The following FAM107B variants were observed in gnomAD, a reference collection of about 807,000 sequenced individuals.
FAM107B encodes the protein family with sequence similarity 107 member B.
FAM107B carries 21 observed loss-of-function variants against 31.5 expected under a neutral mutation model. The observed-to-expected ratio is 0.67, with a 90% CI of 0.47 to 0.96. The LOEUF (loss-of-function observed/expected upper bound fraction) is 0.96. FAM107B is among the 40% of genes least tolerant of loss of function. The probability of loss-of-function intolerance (pLI) is 0.00; values close to 1 mark genes in which losing one functional copy is unlikely to be tolerated. For missense variants in FAM107B, 452 were observed against 377.1 expected, an observed-to-expected ratio of 1.20 and a Z score of -1.64; for synonymous variants, 157 against 141.5, an observed-to-expected ratio of 1.11 and a Z score of -0.78.
chr10:14,766,296 G>T (rs936655520), intron 1 of FAM107B, among the ~76,000 whole-genome samples: 1 of 152,204 alleles, frequency 6.6e-6, no homozygotes, highest in Non-Finnish European at 1.5e-5. Context: ...CAAAGGATGG[G>T]CATGGAGCCT....
chr10:14,629,082 G>T (rs1853250002), intron 2 of FAM107B, among the ~76,000 whole-genome samples: 1 of 148,524 alleles, frequency 6.7e-6, no homozygotes. Context: ...GATTTAGAAA[G>T]AAAACTAAAT....
chr10:14,628,116 T>TTTTTTGTTTTTTTTTTTTG (rs1365254721), intron 2 of FAM107B, among the ~76,000 whole-genome samples: 1 of 121,628 alleles, frequency 8.2e-6, no homozygotes, highest in East Asian at 2.7e-4. Context: ...TTGCTGGTTT[T>TTTTTTGTTTTTTTTTTTTG]TTTTTTTTTT....
At chr10:14,724,142 A>ATCTTCTATGCATGTG (rs1855976738) in intron 1 of FAM107B, 1 of 516,900 alleles carries the variant, frequency 1.9e-6, no homozygotes, top group African/African-American at 1.9e-5. Context: ...GGCTGCATGT[A>ATCTTCTATGCATGTG]TCTTCTATGC....
At chr10:14,548,638 G>A (rs928647049) in intron 2 of FAM107B, 3 of 985,438 alleles carry the variant, frequency 3.0e-6, no homozygotes, top group Non-Finnish European at 3.6e-6. Context: ...CTCCAGCTGC[G>A]AAGGCAGGCA....
chr10:14,570,309 CT>C (rs1177658803), intron 2 of FAM107B, among the ~76,000 whole-genome samples: 2 of 151,102 alleles, frequency 1.3e-5, no homozygotes, highest in Admixed American at 1.3e-4. Context: ...TACCCAATAT[CT>C]GTGTACACCA....
chr10:14,762,149 TG>T (rs34630713), intron 1 of FAM107B, among the ~76,000 whole-genome samples: 1 of 152,186 alleles, frequency 6.6e-6, no homozygotes, highest in Admixed American at 6.5e-5. Context: ...CTAGATTGTT[TG>T]TTTTTCTTTG....
At chr10:14,648,528 A>T (rs1297478094) in intron 2 of FAM107B, among the ~76,000 whole-genome samples, 1 of 152,220 alleles carries the variant, frequency 6.6e-6, no homozygotes, top group African/African-American at 2.4e-5. Context: ...TCATGGTAAC[A>T]CTGGGAAAAG....
intron 1 of FAM107B, among the ~76,000 whole-genome samples, chr10:14,693,847 C>A (rs932401669): frequency 1.3e-5 from 2 of 152,156 alleles, no homozygotes; most frequent in African/African-American, 2.4e-5. Context: ...ATGTAAGTGA[C>A]CATGTAATAG....
At chr10:14,548,429 G>A (rs1305033340) in intron 2 of FAM107B, 2 of 985,600 alleles carry the variant, frequency 2.0e-6, no homozygotes, top group Non-Finnish European at 2.4e-6. Flanking sequence ...GTGGGGCGTA[G>A]GTAACAGCAC....
intron 2 of FAM107B, among the ~76,000 whole-genome samples, chr10:14,543,901 T>C (rs1471747338): frequency 6.6e-6 from 1 of 152,186 alleles, no homozygotes; most frequent in African/African-American, 2.4e-5. Context: ...CTACAGCTCT[T>C]GTCCCACCCT....
At chr10:14,646,334 C>T (rs1853753466) in intron 2 of FAM107B, among the ~76,000 whole-genome samples, 1 of 152,034 alleles carries the variant, frequency 6.6e-6, no homozygotes, top group African/African-American at 2.4e-5. Context: ...TTCCTCACCC[C>T]CGTCCACCCT....
chr10:14,684,155 TA>T (rs552051559), intron 1 of FAM107B, among the ~76,000 whole-genome samples: 190 of 152,260 alleles, frequency 1.2e-3, no homozygotes, highest in Admixed American at 2.4e-3. Flanking sequence ...GGGTCTCTTT[TA>T]AACTGGCAAC....
At position 14,713,281 on chromosome 10, in the gene FAM107B, A is replaced by G. The variant is rs148253499; in HGVS notation, c.412-45590T>C. ...GTAAAGCTTTATCGAGAACGTTCAT[A>G]TCACAGCATGGATAATGTTACATAG... On this transcript the variant is annotated intron_variant, in intron 1 of 4. Coordinates refer to ENST00000181796, the MANE Select transcript of FAM107B (RefSeq NM_031453.4). Among the ~76,000 whole-genome samples the G allele has an allele frequency of 4.8e-4, 73 of 152,358 alleles. No individual in the cohort carries two copies. In the Middle Eastern group the frequency reaches 0.01, roughly 21 times the overall value.
chr10:14,524,850 A>G (rs933752651), intron 3 of FAM107B, among the ~76,000 whole-genome samples: 3 of 152,236 alleles, frequency 2.0e-5, no homozygotes, highest in African/African-American at 2.4e-5. Context: ...AAAGCTGCTG[A>G]AGATTTGATG....
At chr10:14,740,171 G>A (rs768807682) in intron 1 of FAM107B, among the ~76,000 whole-genome samples, 8 of 152,158 alleles carry the variant, frequency 5.3e-5, no homozygotes, top group East Asian at 1.9e-4. Flanking sequence ...TTATAGAAGC[G>A]ATATTCATAT....
chr10:14,628,121 T>TGTTTTTTTTGTTTTTTTTG (rs1554841911), intron 2 of FAM107B, among the ~76,000 whole-genome samples: 1 of 121,808 alleles, frequency 8.2e-6, no homozygotes, highest in African/African-American at 3.7e-5. Flanking sequence ...GGTTTTTTTT[T>TGTTTTTTTTGTTTTTTTTG]TTTTTTTTTT....
At chr10:14,755,653 C>A (rs1347609637) in intron 1 of FAM107B, among the ~76,000 whole-genome samples, 1 of 152,112 alleles carries the variant, frequency 6.6e-6, no homozygotes, top group Non-Finnish European at 1.5e-5. Flanking sequence ...CCTTTTTCAT[C>A]CATCCTTCTC....
chr10:14,771,317 T>A (rs1008164669), intron 1 of FAM107B, among the ~76,000 whole-genome samples: 6 of 152,194 alleles, frequency 3.9e-5, no homozygotes, highest in Non-Finnish European at 8.8e-5. Context: ...AGCATATGAA[T>A]AAAAACAAAT....
chr10:14,530,305 A>G, intron 3 of FAM107B, 27 bp downstream of exon 3: 1 of 1,587,302 alleles, frequency 6.3e-7, no homozygotes, highest in African/African-American at 1.4e-5. Context: ...CTCTTAAAAA[A>G]AAAATATGCT....
Sources: allele counts gnomAD v4.1 joint callset (sites outside exome capture counted in the v4.1 genomes callset), GRCh38; gene constraint gnomAD v4.1.1; transcripts MANE v1.5; gene names NCBI Gene and HGNC (gene_info 2026-07-23, HGNC 2026-07-21).